The following HEATR4 variants were observed in gnomAD, a reference collection of about 807,000 sequenced individuals.
HEATR4 encodes HEAT repeat-containing protein 4.
HEATR4 carries 95 observed loss-of-function variants against 108.8 expected under a neutral mutation model. The observed-to-expected ratio is 0.87, with a 90% CI of 0.74 to 1.04. HEATR4 has a LOEUF of 1.04. HEATR4 is among the 50% of genes least tolerant of loss of function. The probability of loss-of-function intolerance (pLI) is 0.00; values close to 1 mark genes in which losing one functional copy is unlikely to be tolerated. For missense variants in HEATR4, 1,152 were observed against 1,253.8 expected (o/e 0.92, Z 1.23); for synonymous variants, 443 against 459.4 (o/e 0.96, Z 0.46).
chr14:73,499,727 T>C (rs1171115396), intron 12 of HEATR4, among the ~76,000 whole-genome samples: 1 of 152,068 alleles, frequency 6.6e-6, no homozygotes, highest in Non-Finnish European at 1.5e-5. Flanking sequence ...TCCCTAATAA[T>C]GGAATTATAA....
rs1595092583 is a variant in HEATR4 at position 73,498,226 on chromosome 14, T to A, written c.2475A>T (p.Lys825Asn). 2 of 1,614,014 alleles carry A rather than the reference T, an allele frequency of 1.2e-6. No homozygotes were observed. Among genetic ancestry groups the A allele is most frequent in the Non-Finnish European group, 1.7e-6 (2 of 1,179,992 alleles). Residue 825 changes from lysine to asparagine, a missense_variant, in exon 14 of 18, where the codon AAA (lysine) becomes AAT (asparagine). Physicochemically the swap from Lys to Asn is moderately conservative, Grantham distance 94. Transcript: ENST00000553558. ...LEACRSILAL[K>N]LQGDRVRDTF... Reference sequence around the variant, plus strand: ...TGTCCCTGACCCGGTCCCCTTGAAGTTTCAGGGCTAGGATGCTACGGCAAG... The same window carrying A: ...TGTCCCTGACCCGGTCCCCTTGAAGATTCAGGGCTAGGATGCTACGGCAAG...
At chr14:73,540,687 C>T (rs1346073534) in intron 1 of HEATR4, among the ~76,000 whole-genome samples, 264 of 118,384 alleles carry the variant, frequency 2.2e-3, no homozygotes, top group African/African-American at 7.6e-3. Flanking sequence ...TGATGGTTTG[C>T]GGGTATCAGC....
chr14:73,496,696 G>T lies in HEATR4; in HGVS notation c.2547-17C>A, dbSNP rs1344442388. The T allele has an allele frequency of 1.5e-6, 2 of 1,369,342 alleles. No homozygotes were observed. Among genetic ancestry groups the T allele is most frequent in the Non-Finnish European group, 1.0e-6 (1 of 958,682 alleles). The allele number at this position is 1,369,342 out of a possible 1,614,324, so 84.8% of individuals were successfully genotyped here. On this transcript the variant is annotated splice_polypyrimidine_tract_variant and intron_variant, in intron 14 of 17. Transcript: ENST00000553558. ...TACATTTCTCTGAAAGATAAGAAGG[G>T]CTTCTTAGATTATTCTACCCTGCCC...
the HEATR4 span, among the ~76,000 whole-genome samples, chr14:73,603,448 G>A: frequency 6.6e-6 from 1 of 151,804 alleles, no homozygotes; most frequent in South Asian, 2.1e-4. Flanking sequence ...TCTGCCTTCT[G>A]GGTTCAAGTG....
At chr14:73,593,003 T>C in the HEATR4 span, among the ~76,000 whole-genome samples, 3 of 152,262 alleles carry the variant, frequency 2.0e-5, no homozygotes, top group African/African-American at 7.2e-5. Context: ...TCAGGTACAT[T>C]ATCCACTTTG....
intron 1 of HEATR4, among the ~76,000 whole-genome samples, chr14:73,540,692 A>G (rs1889046964): frequency 8.2e-6 from 1 of 121,804 alleles, no homozygotes; most frequent in Admixed American, 8.9e-5. Context: ...GTTTGCGGGT[A>G]TCAGCACTGA....
At chr14:73,516,775 C>T (rs1003940128) in intron 5 of HEATR4, among the ~76,000 whole-genome samples, 25 of 152,146 alleles carry the variant, frequency 1.6e-4, no homozygotes, top group Non-Finnish European at 3.1e-4. Flanking sequence ...ATTAGAGTCA[C>T]GTAGCATGAA....
At chr14:73,513,614 C>CTACTCAGG (rs1300014006) in intron 6 of HEATR4, among the ~76,000 whole-genome samples, 7 of 150,798 alleles carry the variant, frequency 4.6e-5, no homozygotes, top group Non-Finnish European at 1.0e-4. Context: ...GTAATCCTAG[C>CTACTCAGG]TACTCAGGAG....
intron 1 of HEATR4, among the ~76,000 whole-genome samples, chr14:73,534,675 T>C (rs1888805419): frequency 8.8e-6 from 1 of 114,054 alleles, no homozygotes; most frequent in Non-Finnish European, 1.9e-5. Context: ...GGTAACACAG[T>C]GAGACACCCC....
rs1372068275 is a variant in HEATR4, at chr14:73,537,854, C to G, written c.-151-7610G>C. On this transcript the variant is annotated intron_variant, in intron 1 of 17. Coordinates refer to ENST00000553558, the MANE Select transcript of HEATR4 (RefSeq NM_001220484.1). ...CGAGCCGGTGCGCGCGGGCCGGGTG[C>G]GAGGCACGCTCTTCCTGCCGCCAGG... The G allele has an allele frequency of 8.3e-6, 10 of 1,203,522 alleles. 3 individuals are homozygous for G. The highest frequency in any genetic ancestry group is 3.2e-5 in the African/African-American group (2 of 63,210). 74.6% of individuals were successfully genotyped at this position (1,203,522 alleles called of 1,614,324 possible).
At chr14:73,498,771 A>G (rs1886247985) in intron 13 of HEATR4, among the ~76,000 whole-genome samples, 1 of 152,220 alleles carries the variant, frequency 6.6e-6, no homozygotes, top group Non-Finnish European at 1.5e-5. Context: ...TGAGATCTCC[A>G]AGGAAAGCAA....
In HEATR4 at chr14:73,492,064, G is replaced by A; in HGVS notation, c.2844+1002C>T. The A allele has an allele frequency of 6.2e-7, 1 of 1,613,998 alleles. No homozygotes were observed. On this transcript the variant is annotated intron_variant, in intron 17 of 17. Coordinates refer to ENST00000553558, the MANE Select transcript of HEATR4 (RefSeq NM_001220484.1). This position sits in a 1 kb window ranked among gnomAD's most constrained non-coding sequence, Gnocchi z 4.9. ...ACGACGACATCGAGGCCTTCGTGCT[G>A]CAGCTGGAAGGTAGGAAACTCTGGC...
the HEATR4 span, among the ~76,000 whole-genome samples, chr14:73,609,865 T>C: frequency 2.0e-5 from 3 of 151,868 alleles, no homozygotes; most frequent in Non-Finnish European, 4.4e-5. Context: ...GGTCTCAAAC[T>C]CCTGACCTCG....
intron 16 of HEATR4, 40 bp from the exon 17 acceptor site, chr14:73,493,164 A>AAAACCC (rs781481810): frequency 6.4e-7 from 1 of 1,554,012 alleles, no homozygotes; most frequent in African/African-American, 1.4e-5. Flanking sequence ...AGGTGGAAAA[A>AAAACCC]AAACCCTTGA....
the HEATR4 span, among the ~76,000 whole-genome samples, chr14:73,630,234 G>A: frequency 2.5e-4 from 38 of 151,918 alleles, no homozygotes; most frequent in Admixed American, 1.8e-3. Flanking sequence ...ATCTTCCTCC[G>A]CCCAACTATC....
chr14:73,514,574 CATA>C (rs1887474446), intron 5 of HEATR4, among the ~76,000 whole-genome samples: 1 of 152,082 alleles, frequency 6.6e-6, no homozygotes, highest in Non-Finnish European at 1.5e-5. Context: ...GAGATTTGCT[CATA>C]ATATTTGATA....
At chr14:73,491,598 G>T (rs1318458859) in intron 17 of HEATR4, 2 of 1,546,256 alleles carry the variant, frequency 1.3e-6, no homozygotes, top group South Asian at 2.4e-5. Context: ...GAGCTGAACC[G>T]CATCCCCAGC....
At chr14:73,527,562 A>AG (rs1888412286) in intron 2 of HEATR4, among the ~76,000 whole-genome samples, 1 of 151,298 alleles carries the variant, frequency 6.6e-6, no homozygotes, top group Admixed American at 6.6e-5. Context: ...AAGAAAAAAA[A>AG]TCAAGCATCA....
chr14:73,585,594 C>T, the HEATR4 span, among the ~76,000 whole-genome samples: 1 of 151,942 alleles, frequency 6.6e-6, no homozygotes, highest in African/African-American at 2.4e-5. Context: ...GAGGCTGAGG[C>T]ATGAGAGTCA....
Sources: gnomAD v4.1 joint callset for allele counts (sites outside exome capture counted in the v4.1 genomes callset) on GRCh38, gnomAD v4.1.1 for gene constraint, Gnocchi (gnomAD v3.1) non-coding constraint, MANE v1.5 for transcripts, NCBI Gene and HGNC (gene_info 2026-07-23, HGNC 2026-07-21) for gene names.